Variants in ZNRF1 observed in about 807,000 individuals in gnomAD.
The protein encoded by ZNRF1 is zinc and ring finger 1.
A neutral mutation model predicts 18.4 loss-of-function variants in ZNRF1; 3 were observed. The observed-to-expected ratio is 0.16, with a 90% CI of 0.07 to 0.42. The LOEUF is 0.42. Ranked by LOEUF, ZNRF1 falls within the 10% of genes least tolerant of loss-of-function variation. ZNRF1 has a pLI of 0.99. For synonymous variants in ZNRF1, 157 were observed against 144.2 expected (o/e 1.09, Z -0.64); for missense variants, 310 against 329.8 (o/e 0.94, Z 0.47).
Position 74,999,569 on chromosome 16 carries a change from T to G in ZNRF1, c.-103T>G. ...CTTTTCTCCCTCCGGGTCTCCTTTT[T>G]GACTCCCTCCCCCTTTATGCTCGCC... On this transcript the variant is annotated 5_prime_UTR_variant, in exon 1 of 5. Coordinates refer to ENST00000335325, the MANE Select transcript of ZNRF1 (RefSeq NM_032268.5). 8 of 869,730 alleles carry G rather than the reference T, an allele frequency of 9.2e-6. No individual in the cohort carries two copies. Among genetic ancestry groups the G allele is most frequent in the Non-Finnish European group, 1.2e-5 (8 of 649,330 alleles). The allele number at this position is 869,730 out of a possible 1,614,324, so 53.9% of individuals were successfully genotyped here.
intron 1 of ZNRF1, among the ~76,000 whole-genome samples, chr16:75,038,170 A>G (rs1013338421): frequency 1.3e-5 from 2 of 152,200 alleles, no homozygotes; most frequent in African/African-American, 4.8e-5. Context: ...ATATTTGATC[A>G]TAATTCTATG....
chr16:75,068,603 A>AG, intron 1 of ZNRF1, among the ~76,000 whole-genome samples: 1 of 152,240 alleles, frequency 6.6e-6, no homozygotes, highest in South Asian at 2.1e-4. Flanking sequence ...ATCCTGCTAT[A>AG]TAGCAGGACC....
chr16:75,013,809 T>G (rs2035030771), intron 1 of ZNRF1, among the ~76,000 whole-genome samples: 1 of 152,080 alleles, frequency 6.6e-6, no homozygotes, highest in South Asian at 2.1e-4. Context: ...TTGGAATTAT[T>G]TATTTATTTA....
At chr16:75,027,418 T>G (rs2035240000) in intron 1 of ZNRF1, among the ~76,000 whole-genome samples, 1 of 152,228 alleles carries the variant, frequency 6.6e-6, no homozygotes, top group African/African-American at 2.4e-5. Context: ...CTTTGTAGTT[T>G]TGTAAAATGG....
intron 1 of ZNRF1, among the ~76,000 whole-genome samples, chr16:75,063,607 A>G (rs1299314784): frequency 5.9e-5 from 9 of 152,242 alleles, no homozygotes; most frequent in Non-Finnish European, 1.3e-4. Flanking sequence ...ATTTGAATTA[A>G]TAAATCAAGG....
chr16:75,053,640 C>A (rs979399758), intron 1 of ZNRF1, among the ~76,000 whole-genome samples: 1 of 150,480 alleles, frequency 6.6e-6, no homozygotes, highest in Non-Finnish European at 1.5e-5. Flanking sequence ...CTGTCACTAT[C>A]AGGGGCTATT....
At chr16:75,052,275 C>A (rs965199625) in intron 1 of ZNRF1, among the ~76,000 whole-genome samples, 1 of 151,970 alleles carries the variant, frequency 6.6e-6, no homozygotes, top group African/African-American at 2.4e-5. Flanking sequence ...GTGGCGTGCA[C>A]CTGTAGTCTC....
In ZNRF1 at chr16:75,043,007, G is replaced by GTTATACTTGGTGTC. The variant is rs539338550; in HGVS notation, c.424+42913_424+42926dup. Among the ~76,000 whole-genome samples the GTTATACTTGGTGTC allele has an allele frequency of 4.4e-4, 67 of 152,310 alleles. No homozygotes were observed. In the East Asian group the frequency reaches 0.012, roughly 28 times the overall value. ...ATGACCCTTGAGTGCTTCCCTTGGTGTTATACTTGGTGTCATCCCACCTCC... is the reference window on the plus strand; with the variant it reads ...ATGACCCTTGAGTGCTTCCCTTGGTGTTATACTTGGTGTCTTATACTTGGTGTCATCCCACCTCC... On this transcript the variant is annotated intron_variant, in intron 1 of 4. Transcript: ENST00000335325.
chr16:75,107,626 G>A, intron 4 of ZNRF1, 107 bp from the exon 5 acceptor site: 1 of 445,428 alleles, frequency 2.2e-6, no homozygotes, highest in Non-Finnish European at 4.5e-6. Context: ...CTGGGGTCCT[G>A]TGTAGACGCC....
At position 75,057,689 on chromosome 16, in the gene ZNRF1, G is replaced by A. The variant is rs146750421; in HGVS notation, c.425-35883G>A. Among the ~76,000 whole-genome samples, 159 of 152,220 alleles carry A rather than the reference G, an allele frequency of 1.0e-3. 1 individual carries two copies. Among genetic ancestry groups the A allele is most frequent in the African/African-American group, 3.6e-3 (148 of 41,536 alleles). On this transcript the variant is annotated intron_variant, in intron 1 of 4. Transcript: ENST00000335325. ...CTCACTCTGTCACCCCAGCTGGAGC[G>A]CAGTGGCACAACCTCAGCTTACTGC...
intron 2 of ZNRF1, among the ~76,000 whole-genome samples, chr16:75,099,481 G>A (rs1418633128): frequency 6.6e-6 from 1 of 152,144 alleles, no homozygotes; most frequent in Non-Finnish European, 1.5e-5. Context: ...GGTCTGGTTA[G>A]AGGGACAGGC....
At chr16:75,098,602 C>T (rs2036224813) in intron 2 of ZNRF1, among the ~76,000 whole-genome samples, 1 of 152,194 alleles carries the variant, frequency 6.6e-6, no homozygotes, top group Non-Finnish European at 1.5e-5. Flanking sequence ...GGGCCAGCAG[C>T]TCTGCATGCT....
chr16:75,097,364 G>A (rs1002438226), intron 2 of ZNRF1, among the ~76,000 whole-genome samples: 11 of 152,078 alleles, frequency 7.2e-5, no homozygotes, highest in Non-Finnish European at 1.2e-4. Flanking sequence ...GGGGCGGCAG[G>A]TTCATTTGCC....
chr16:75,013,305 A>C (rs548244726), intron 1 of ZNRF1, among the ~76,000 whole-genome samples: 1 of 151,934 alleles, frequency 6.6e-6, no homozygotes, highest in South Asian at 2.1e-4. Flanking sequence ...TCTTATCATG[A>C]GTTCCAGCCT....
In ZNRF1 at chr16:75,081,475, G is replaced by A. The variant is rs72800365; in HGVS notation, c.425-12097G>A. On this transcript the variant is annotated intron_variant, in intron 1 of 4. Coordinates refer to ENST00000335325, the MANE Select transcript of ZNRF1 (RefSeq NM_032268.5). Reference sequence around the variant, plus strand: ...TTGCCTTTGTTTTTGTTTCTTGAGGGAAAGTGGTCCTTGGCTCCAGTTGTT... The same window carrying A: ...TTGCCTTTGTTTTTGTTTCTTGAGGAAAAGTGGTCCTTGGCTCCAGTTGTT... Among the ~76,000 whole-genome samples the A allele has an allele frequency of 2.8e-3, 424 of 152,342 alleles. 1 individual carries two copies. The highest frequency in any genetic ancestry group is 5.0e-3 in the Non-Finnish European group (337 of 68,028).
At chr16:75,073,286 AGTTTTTATTAATAGCTGTT>A (rs1396284539) in intron 1 of ZNRF1, among the ~76,000 whole-genome samples, 4 of 151,684 alleles carry the variant, frequency 2.6e-5, no homozygotes, top group African/African-American at 9.7e-5. Flanking sequence ...ATTGCTTGCT[AGTTTTTATTAATAGCTGTT>A]GTTTTTCCTT....
intron 1 of ZNRF1, among the ~76,000 whole-genome samples, chr16:75,010,989 G>A (rs1257477838): frequency 2.0e-5 from 3 of 152,272 alleles, no homozygotes; most frequent in South Asian, 2.1e-4. Context: ...GATTGCAGGC[G>A]TGAGCCACCA....
chr16:75,014,249 A>G (rs1300799729), intron 1 of ZNRF1, among the ~76,000 whole-genome samples: 1 of 152,200 alleles, frequency 6.6e-6, no homozygotes, highest in African/African-American at 2.4e-5. Flanking sequence ...ACCCTGGCTT[A>G]TTCCCATTTT....
At chr16:75,040,267 G>C (rs1300738955) in intron 1 of ZNRF1, among the ~76,000 whole-genome samples, 1 of 151,198 alleles carries the variant, frequency 6.6e-6, no homozygotes, top group South Asian at 2.1e-4. Context: ...TATTTTTATT[G>C]TTTTAAAACA....
Sources: gnomAD v4.1 joint callset for allele counts (sites outside exome capture counted in the v4.1 genomes callset) on GRCh38, gnomAD v4.1.1 for gene constraint, MANE v1.5 for transcripts, NCBI Gene and HGNC (gene_info 2026-07-23, HGNC 2026-07-21) for gene names.